LAMTOR5: variants seen among roughly 807,000 people sequenced by gnomAD.
LAMTOR5 encodes late endosomal/lysosomal adaptor, MAPK and MTOR activator 5, also known as ragulator complex protein LAMTOR5.
In LAMTOR5, 8 loss-of-function variants were observed where a neutral mutation model predicts 12.1. That is an observed-to-expected ratio of 0.66 (90% confidence interval 0.39 to 1.19). The LOEUF (loss-of-function observed/expected upper bound fraction) is 1.19, where lower values mean the gene tolerates loss of function less well. Ranked by LOEUF, LAMTOR5 falls within the 50% of genes most tolerant of loss-of-function variation. The pLI is 0.01. For synonymous variants in LAMTOR5, 37 were observed against 41.9 expected, an observed-to-expected ratio of 0.88 and a Z score of 0.45; for missense variants, 110 against 112.8, an observed-to-expected ratio of 0.97 and a Z score of 0.11.
At chr1:110,403,124 C>T (rs1296582736) in intron 3 of LAMTOR5, among the ~76,000 whole-genome samples, 1 of 152,210 alleles carries the variant, frequency 6.6e-6, no homozygotes, top group Non-Finnish European at 1.5e-5. Flanking sequence ...TTTAAGTACA[C>T]TCTATGATGT....
chr1:110,407,667 CCTT>C lies in LAMTOR5; in HGVS notation c.-50_-48del, dbSNP rs1410712454. The C allele has an allele frequency of 1.2e-6, 2 of 1,614,242 alleles. No individual in the cohort carries two copies. Among genetic ancestry groups the C allele is most frequent in the Non-Finnish European group, 1.7e-6 (2 of 1,180,034 alleles). ...CTCAGAACCCAGCGGCACGGCACGT[CCTT>C]CTCCACCACAGGCCTCAGTCACTTG... On this transcript the variant is annotated 5_prime_UTR_variant, in exon 1 of 4. Transcript: ENST00000602318.
At chr1:110,404,865 T>C (rs938092160) in intron 2 of LAMTOR5, among the ~76,000 whole-genome samples, 2 of 151,966 alleles carry the variant, frequency 1.3e-5, no homozygotes, top group African/African-American at 4.8e-5. Context: ...CTGGCCAACA[T>C]AGTGAAACCC....
chr1:110,406,974 TA>T, intron 1 of LAMTOR5: 1 of 652,074 alleles, frequency 1.5e-6, no homozygotes, highest in Non-Finnish European at 2.8e-6. Flanking sequence ...TCACTCTTGT[TA>T]AAAACGCATG....
chr1:110,407,757 C>G (rs747611309), upstream of LAMTOR5: 2 of 1,614,076 alleles, frequency 1.2e-6, no homozygotes, highest in Non-Finnish European at 1.7e-6. Flanking sequence ...CACGGTGCAA[C>G]GTCCGCGTTC....
chr1:110,407,284 T>C, intron 1 of LAMTOR5: 1 of 579,456 alleles, frequency 1.7e-6, no homozygotes, highest in Non-Finnish European at 3.1e-6. Flanking sequence ...TTTCTAAAAC[T>C]TCCGCAGAAC....
rs6698159 is a variant in LAMTOR5, at chr1:110,407,655, G to A, written c.-35C>T. 191,718 of 1,614,034 alleles carry A rather than the reference G, an allele frequency of 0.12. 11,909 individuals carry two copies. Among genetic ancestry groups the A allele is most frequent in the African/African-American group, 0.14 (10,606 of 74,966 alleles). ...CGACCACTCCGGCTCAGAACCCAGC[G>A]GCACGGCACGTCCTTCTCCACCACA... On this transcript the variant is annotated 5_prime_UTR_variant, in exon 1 of 4. Transcript: ENST00000602318.
chr1:110,403,967 G>A lies in LAMTOR5; in HGVS notation c.167C>T (p.Thr56Ile), dbSNP rs771314460. The A allele has an allele frequency of 1.9e-6, 3 of 1,614,098 alleles. No homozygotes were observed. The highest frequency in any genetic ancestry group is 1.3e-5 in the African/African-American group (1 of 74,940). The change falls in exon 3 of 4, where the codon ACC becomes ATC. Residue 56 changes from threonine to isoleucine, a missense_variant. Coordinates refer to ENST00000602318, the MANE Select transcript of LAMTOR5 (RefSeq NM_001382293.1). Reference protein sequence around the residue: ...SVLAQQAAKLTSDPTDIPVVC... With the variant: ...SVLAQQAAKLISDPTDIPVVC... ...CACAGGAATATCAGTGGGGTCAGAG[G>A]TTAGCTTAGCTGCTTGCTGGGCTAG...
upstream of LAMTOR5, chr1:110,407,803 G>A: frequency 6.2e-7 from 1 of 1,614,140 alleles, no homozygotes; most frequent in Non-Finnish European, 8.5e-7. Flanking sequence ...CCGTCGCACA[G>A]AGCCTGACGA....
At chr1:110,401,869 G>C (rs1344028824) in intron 3 of LAMTOR5, among the ~76,000 whole-genome samples, 1 of 152,088 alleles carries the variant, frequency 6.6e-6, no homozygotes, top group Non-Finnish European at 1.5e-5. Flanking sequence ...GCCCAAGCTG[G>C]CCTCAAACTC....
intron 2 of LAMTOR5, among the ~76,000 whole-genome samples, chr1:110,405,617 C>T (rs1200336498): frequency 6.6e-6 from 1 of 152,138 alleles, no homozygotes; most frequent in African/African-American, 2.4e-5. Flanking sequence ...AGGCGTGAGA[C>T]ACTGCACCTG....
At chr1:110,403,839 T>G in intron 3 of LAMTOR5, 80 bp downstream of exon 3, 3 of 1,558,390 alleles carry the variant, frequency 1.9e-6, no homozygotes, top group Non-Finnish European at 1.7e-6. Context: ...GAATCACTGA[T>G]GAACACAGGG....
intron 2 of LAMTOR5, 72 bp from the exon 3 acceptor site, chr1:110,404,108 G>A: frequency 2.5e-6 from 4 of 1,576,946 alleles, no homozygotes; most frequent in South Asian, 1.2e-5. Flanking sequence ...CTAGCTGGCT[G>A]TTTTAAAATG....
At position 110,404,051 on chromosome 1, in the gene LAMTOR5, T is replaced by A. The variant is rs553882943; in HGVS notation, c.98-15A>T. 1 of 1,612,470 alleles carries A rather than the reference T, an allele frequency of 6.2e-7. No individual in the cohort carries two copies. The highest frequency in any genetic ancestry group is 1.1e-5 in the South Asian group (1 of 90,716). ...GGTCCCGCGGCCTGGAAAATAGAGA[T>A]GATATATGTCACCTGATTGCTCATA... On this transcript the variant is annotated splice_polypyrimidine_tract_variant and intron_variant, in intron 2 of 3. Coordinates refer to ENST00000602318, the MANE Select transcript of LAMTOR5 (RefSeq NM_001382293.1).
At chr1:110,407,467 C>T (rs1663357828) in intron 1 of LAMTOR5, 119 bp downstream of exon 1, 2 of 1,287,234 alleles carry the variant, frequency 1.6e-6, no homozygotes, top group South Asian at 1.4e-5. Context: ...TCCCGTGTCC[C>T]GGGGGTCGCG....
intron 2 of LAMTOR5, among the ~76,000 whole-genome samples, chr1:110,404,812 C>G (rs984354979): frequency 6.6e-6 from 1 of 152,056 alleles, no homozygotes; most frequent in East Asian, 1.9e-4. Context: ...CTTTGGGAGG[C>G]GGAGGTGGGT....
chr1:110,407,393 G>A, intron 1 of LAMTOR5, 193 bp downstream of exon 1: 4 of 704,786 alleles, frequency 5.7e-6, no homozygotes, highest in Non-Finnish European at 9.2e-6. Context: ...GCGGTGCCCG[G>A]CAGGATTTTA....
At chr1:110,404,808 G>T (rs1210617485) in intron 2 of LAMTOR5, among the ~76,000 whole-genome samples, 1 of 152,116 alleles carries the variant, frequency 6.6e-6, no homozygotes, top group Non-Finnish European at 1.5e-5. Flanking sequence ...CGCACTTTGG[G>T]AGGCGGAGGT....
chr1:110,405,685 G>T (rs949513083), intron 2 of LAMTOR5, among the ~76,000 whole-genome samples: 2 of 152,106 alleles, frequency 1.3e-5, no homozygotes, highest in Non-Finnish European at 2.9e-5. Flanking sequence ...AAGAGTATAT[G>T]TAAAGCACTT....
intron 1 of LAMTOR5, 95 bp downstream of exon 1, chr1:110,407,491 A>G (rs1463526754): frequency 1.4e-6 from 2 of 1,452,930 alleles, no homozygotes; most frequent in Non-Finnish European, 1.8e-6. Flanking sequence ...CGTCCCCGAG[A>G]CGCCCTGGCC....
Sources: allele counts gnomAD v4.1 joint callset (sites outside exome capture counted in the v4.1 genomes callset), GRCh38; gene constraint gnomAD v4.1.1; transcripts MANE v1.5; gene names NCBI Gene and HGNC (gene_info 2026-07-23, HGNC 2026-07-21).